The following NEDD4 variants were observed in gnomAD, a reference collection of about 807,000 sequenced individuals.
The protein encoded by NEDD4 is NEDD4 E3 ubiquitin protein ligase, also known as E3 ubiquitin-protein ligase NEDD4.
In NEDD4, 99 loss-of-function variants were observed where a neutral mutation model predicts 144.9. The observed-to-expected ratio is 0.68, with a 90% CI of 0.58 to 0.81. NEDD4 has a LOEUF of 0.81. NEDD4 is among the 30% of genes least tolerant of loss of function. The pLI, the probability that NEDD4 is intolerant of heterozygous loss-of-function variation, is 0.00. For missense variants in NEDD4, 985 were observed against 1,065.9 expected, an observed-to-expected ratio of 0.92 and a Z score of 1.06; for synonymous variants, 318 against 350.6, an observed-to-expected ratio of 0.91 and a Z score of 1.04.
Position 55,993,526 on chromosome 15 carries a change from C to T in NEDD4, c.30G>A (p.Gly10=), listed in dbSNP as rs371166391. Residue 10 remains glycine, a synonymous_variant, in exon 1 of 29, where the codon GGG becomes GGA. Transcript: ENST00000435532. MATCAVEVF[G]LLEDEENSRI... is the part of the protein sequence containing the mutation. ...GTCCCCGCACCTCGTCCTCCAGGAG[C>T]CCGAACACCTCCACCGCGCAAGTTG... 888 of 1,597,884 alleles carry T rather than the reference C, an allele frequency of 5.6e-4. No homozygotes were observed. Among genetic ancestry groups the T allele is most frequent in the Non-Finnish European group, 7.1e-4 (832 of 1,174,368 alleles).
At chr15:55,975,962 CA>C (rs1427446637) in intron 1 of NEDD4, among the ~76,000 whole-genome samples, 1 of 152,108 alleles carries the variant, frequency 6.6e-6, no homozygotes, top group Non-Finnish European at 1.5e-5. Context: ...ATAGAGAACC[CA>C]GAAGTAAATC....
rs2032852315 is a variant in NEDD4, at chr15:55,829,685, C to T, written c.*212G>A. The T allele has an allele frequency of 2.3e-6, 1 of 443,128 alleles. No homozygotes were observed. Among genetic ancestry groups the T allele is most frequent in the African/African-American group, 2.0e-5 (1 of 49,786 alleles). The allele number at this position is 443,128 out of a possible 1,614,324, so 27.4% of individuals were successfully genotyped here. On this transcript the variant is annotated 3_prime_UTR_variant, in exon 29 of 29. Coordinates refer to ENST00000435532, the MANE Select transcript of NEDD4 (RefSeq NM_006154.4). ...TTAGGCAGGCACCTAACTCTAAAGA[C>T]AGCATGAAACAACTGTGTAAATGCA...
intron 5 of NEDD4, among the ~76,000 whole-genome samples, chr15:55,875,362 T>C (rs922414519): frequency 6.6e-6 from 1 of 152,188 alleles, no homozygotes; most frequent in Non-Finnish European, 1.5e-5. Context: ...CTAGCTGGAG[T>C]GCAGTGGTGC....
chr15:55,952,329 G>A (rs926773426), intron 2 of NEDD4, among the ~76,000 whole-genome samples: 5 of 151,978 alleles, frequency 3.3e-5, no homozygotes, highest in East Asian at 3.9e-4. Flanking sequence ...GCAAGACTCC[G>A]TCTCAAAAAA....
At chr15:55,972,846 A>G (rs2037634026) in intron 1 of NEDD4, among the ~76,000 whole-genome samples, 1 of 152,216 alleles carries the variant, frequency 6.6e-6, no homozygotes, top group Non-Finnish European at 1.5e-5. Context: ...GCTATATCAG[A>G]TCAAATAGAT....
intron 5 of NEDD4, among the ~76,000 whole-genome samples, chr15:55,889,066 G>C (rs1482175992): frequency 6.6e-6 from 1 of 152,136 alleles, no homozygotes; most frequent in African/African-American, 2.4e-5. Flanking sequence ...TACTCCATAA[G>C]CACAGACAAC....
chr15:55,897,886 C>T (rs929955575), intron 5 of NEDD4, among the ~76,000 whole-genome samples: 4 of 152,220 alleles, frequency 2.6e-5, no homozygotes, highest in Non-Finnish European at 5.9e-5. Context: ...CTGACCTTTC[C>T]TGCCCTCTAG....
chr15:55,907,211 G>C (rs965748147), intron 5 of NEDD4, among the ~76,000 whole-genome samples: 2 of 152,032 alleles, frequency 1.3e-5, no homozygotes, highest in Non-Finnish European at 2.9e-5. Flanking sequence ...GAAAACAGGA[G>C]AGAAAAGAAA....
Position 55,850,675 on chromosome 15 carries a change from G to C in NEDD4, c.1214C>G (p.Thr405Ser), listed in dbSNP as rs901834056. 6.2e-7 allele frequency: 1 copy of C among 1,614,128 alleles called. No homozygotes were observed. The highest frequency in any genetic ancestry group is 1.1e-5 in the South Asian group (1 of 91,076). ...GGTCACCTGCTGGCCTGAATCACTG[G>C]TGGAGGCTTGTGATTGAGGGCCTGC... ...SSAGPQSQASTSDSGQQVTQP... is the reference protein window; with the variant it reads ...SSAGPQSQASSSDSGQQVTQP... The change falls in exon 14 of 29, where the codon ACC (threonine) becomes AGC (serine). Residue 405 changes from threonine (T) to serine (S), a missense_variant. Transcript: ENST00000435532.
intron 2 of NEDD4, among the ~76,000 whole-genome samples, chr15:55,963,881 T>C (rs1595878565): frequency 6.6e-6 from 1 of 152,322 alleles, no homozygotes; most frequent in East Asian, 1.9e-4. Context: ...CCTTAAAGGA[T>C]ATTTTCACTG....
chr15:55,844,649 C>T (rs186804731), intron 18 of NEDD4, among the ~76,000 whole-genome samples: 2 of 152,138 alleles, frequency 1.3e-5, no homozygotes, highest in Non-Finnish European at 1.5e-5. Context: ...ATGATAGCTA[C>T]CCACATGGAG....
At chr15:55,975,932 G>T (rs778734474) in intron 1 of NEDD4, among the ~76,000 whole-genome samples, 3 of 152,012 alleles carry the variant, frequency 2.0e-5, no homozygotes, top group Non-Finnish European at 4.4e-5. Flanking sequence ...AAAAACAGAC[G>T]TACAAACCAA....
intron 11 of NEDD4, among the ~76,000 whole-genome samples, chr15:55,858,279 G>A (rs538078490): frequency 6.7e-6 from 1 of 150,156 alleles, no homozygotes; most frequent in South Asian, 2.1e-4. Context: ...GATCGTATGT[G>A]ATTTATCATC....
chr15:55,891,867 G>A (rs2035579940), intron 5 of NEDD4, among the ~76,000 whole-genome samples: 2 of 152,238 alleles, frequency 1.3e-5, no homozygotes, highest in East Asian at 1.9e-4. Context: ...TAAATGTTAT[G>A]CTTTAAGAGA....
intron 14 of NEDD4, among the ~76,000 whole-genome samples, chr15:55,849,866 C>T (rs1331829350): frequency 1.3e-5 from 2 of 151,026 alleles, no homozygotes; most frequent in South Asian, 2.1e-4. Context: ...GATCTTGGCT[C>T]ACTGCAACCT....
chr15:55,911,749 C>T (rs918086395), intron 5 of NEDD4, among the ~76,000 whole-genome samples: 11 of 151,972 alleles, frequency 7.2e-5, no homozygotes, highest in Admixed American at 3.3e-4. Flanking sequence ...AGGATGGTCT[C>T]GATCTCCTGA....
At chr15:55,845,478 C>T (rs8027762) in intron 18 of NEDD4, among the ~76,000 whole-genome samples, 133,947 of 152,156 alleles carry the variant, frequency 0.88, 59,123 homozygotes, top group East Asian at 0.96. Context: ...CTAAGAAGAA[C>T]GCCTGGTATG....
chr15:55,978,114 G>T (rs1595886401), intron 1 of NEDD4, among the ~76,000 whole-genome samples: 2 of 152,110 alleles, frequency 1.3e-5, no homozygotes. Context: ...TGGAGCTCCT[G>T]ATATTAAAAA....
At chr15:55,965,732 C>T (rs1566971550) in intron 2 of NEDD4, among the ~76,000 whole-genome samples, 2 of 152,044 alleles carry the variant, frequency 1.3e-5, no homozygotes, top group Non-Finnish European at 2.9e-5. Context: ...GACAGAGGCT[C>T]ACTCTGTTGC....
Sources: gnomAD v4.1 joint callset for allele counts (sites outside exome capture counted in the v4.1 genomes callset) on GRCh38, gnomAD v4.1.1 for gene constraint, MANE v1.5 for transcripts, NCBI Gene and HGNC (gene_info 2026-07-23, HGNC 2026-07-21) for gene names.